The following GPI variants were observed in gnomAD, a reference collection of about 807,000 sequenced individuals.
GPI encodes the protein D-hexose-6-phosphate anomerase.
In GPI, 56 loss-of-function variants were observed where a neutral mutation model predicts 75.8. The ratio of observed to expected loss-of-function variants is 0.74; its 90% CI spans 0.60 to 0.92. The LOEUF (loss-of-function observed/expected upper bound fraction) is 0.92. Ranked by LOEUF, GPI falls within the 40% of genes least tolerant of loss-of-function variation. The pLI, the probability that GPI is intolerant of heterozygous loss-of-function variation, is 0.00. For missense variants in GPI, 638 were observed against 741.0 expected (o/e 0.86, Z 1.61); for synonymous variants, 288 against 285.4 (o/e 1.01, Z -0.09).
upstream of GPI, among the ~76,000 whole-genome samples, chr19:34,360,439 T>C (rs138071218): frequency 1.5e-3 from 235 of 152,034 alleles, 5 homozygotes; most frequent in East Asian, 0.042. Context: ...CAAATAATAA[T>C]AATAAGAAAA....
upstream of GPI, chr19:34,364,830 A>C: frequency 1.6e-6 from 1 of 637,214 alleles, no homozygotes; most frequent in South Asian, 2.5e-5. Context: ...ACTGCCTGTA[A>C]CGTGGAAGGT....
chr19:34,396,675 G>C lies in GPI; in HGVS notation c.1269+18G>C, dbSNP rs2074950689. 1 of 1,609,004 alleles carries C rather than the reference G, an allele frequency of 6.2e-7. No homozygotes were observed. Among genetic ancestry groups the C allele is most frequent in the South Asian group, 1.1e-5 (1 of 90,828 alleles). ...ATCACAAGGTAAGAGCCCCCATCTG[G>C]CCCCATCTGGGGGGTCTGGCTCACA... On this transcript the variant is annotated intron_variant, in intron 14 of 17. Transcript: ENST00000356487.
At chr19:34,394,200 C>T (rs1366775117) in intron 12 of GPI, 134 bp downstream of exon 12, 3 of 654,690 alleles carry the variant, frequency 4.6e-6, no homozygotes, top group Admixed American at 2.4e-5. Flanking sequence ...TCCATCTGTG[C>T]TCCTTGTCTC....
upstream of GPI, among the ~76,000 whole-genome samples, chr19:34,361,151 GCA>G (rs2074299193): frequency 3.3e-5 from 5 of 151,706 alleles, no homozygotes; most frequent in African/African-American, 1.2e-4. Context: ...GAGTGCAGTG[GCA>G]TGATTCAGCT....
At chr19:34,376,533 C>T (rs975679395) in intron 4 of GPI, among the ~76,000 whole-genome samples, 11 of 148,618 alleles carry the variant, frequency 7.4e-5, no homozygotes, top group Admixed American at 3.4e-4. Context: ...CGTTGTACTC[C>T]AGCCTGGGCG....
At chr19:34,365,481 G>A in intron 1 of GPI, 93 bp downstream of exon 1, 4 of 1,505,254 alleles carry the variant, frequency 2.7e-6, no homozygotes, top group African/African-American at 1.4e-5. Flanking sequence ...GCGGTGCCCG[G>A]GGACCCCAGT....
intron 4 of GPI, among the ~76,000 whole-genome samples, chr19:34,372,663 C>T (rs2074473278): frequency 6.6e-6 from 1 of 152,132 alleles, no homozygotes; most frequent in Non-Finnish European, 1.5e-5. Flanking sequence ...TAAAAAATAC[C>T]CAGCAAGGTG....
At position 34,366,356 on chromosome 19, in the gene GPI, A is replaced by G. The variant is rs2074365214; in HGVS notation, c.134A>G (p.Asn45Ser). ...DRFNHFSLTL[N>S]TNHGHILVDY... The stretch of plus-strand genomic sequence containing the variant: ...CCATCTTTCTGCAGCTTGACCCTCA[A>G]CACCAACCATGGGCATATCCTGGTG... The change falls in exon 2 of 18, where the codon AAC becomes AGC. Residue 45 changes from asparagine to serine, a missense_variant. Asn to Ser is a conservative substitution (Grantham distance 46, BLOSUM62 1). Coordinates refer to ENST00000356487, the MANE Select transcript of GPI (RefSeq NM_000175.5). 1 of 1,611,056 alleles carries G rather than the reference A, an allele frequency of 6.2e-7. No individual in the cohort carries two copies. Among genetic ancestry groups the G allele is most frequent in the African/African-American group, 1.3e-5 (1 of 74,828 alleles).
chr19:34,368,433 G>A, intron 3 of GPI, 150 bp from the exon 4 acceptor site: 1 of 788,282 alleles, frequency 1.3e-6, no homozygotes, highest in Non-Finnish European at 2.1e-6. Context: ...CATACAGTGG[G>A]TTCTTGGAAC....
At chr19:34,381,174 A>G (rs2074645065) in intron 8 of GPI, 1 of 499,234 alleles carries the variant, frequency 2.0e-6, no homozygotes, top group Non-Finnish European at 3.7e-6. Context: ...GTTGCAGAGC[A>G]GTGTGTGGGC....
chr19:34,365,131 G>T, upstream of GPI: 1 of 1,257,888 alleles, frequency 7.9e-7, no homozygotes, highest in Non-Finnish European at 1.0e-6. Context: ...GGGCTCAGGG[G>T]TGGGGCCGGG....
chr19:34,388,263 G>T (rs2074767823), intron 9 of GPI, among the ~76,000 whole-genome samples: 2 of 152,206 alleles, frequency 1.3e-5, no homozygotes, highest in South Asian at 4.1e-4. Context: ...GATCACTTGA[G>T]GTCAGGAGTT....
intron 4 of GPI, among the ~76,000 whole-genome samples, chr19:34,374,414 A>G (rs1009572788): frequency 6.6e-6 from 1 of 152,174 alleles, no homozygotes; most frequent in Non-Finnish European, 1.5e-5. Context: ...GTGGGGGACT[A>G]TCATAGTCCC....
Position 34,399,717 on chromosome 19 carries a change from A to G in GPI, c.1475-2A>G, listed in dbSNP as rs775148183. 6.2e-7 allele frequency: 1 copy of G among 1,613,966 alleles called. No individual in the cohort carries two copies. The highest frequency in any genetic ancestry group is 8.5e-7 in the Non-Finnish European group (1 of 1,180,018). On this transcript the variant is annotated splice_acceptor_variant, in intron 16 of 17. Transcript: ENST00000356487. LOFTEE classifies it high-confidence loss of function. ...GATGTGCCCTGTCTGTCACTTCTGCAGCCATGTATGAGCACAAGATCTTCG... is the reference window on the plus strand; with the variant it reads ...GATGTGCCCTGTCTGTCACTTCTGCGGCCATGTATGAGCACAAGATCTTCG...
intron 4 of GPI, among the ~76,000 whole-genome samples, chr19:34,370,015 G>A (rs1275934273): frequency 6.6e-6 from 1 of 152,246 alleles, no homozygotes; most frequent in Non-Finnish European, 1.5e-5. Context: ...TTTGAAACAC[G>A]TACACATGTG....
At chr19:34,399,106 C>A in intron 14 of GPI, 101 bp from the exon 15 acceptor site, 1 of 1,157,316 alleles carries the variant, frequency 8.6e-7, no homozygotes. Context: ...GCGAGTGACC[C>A]AGGCTGGGAC....
upstream of GPI, among the ~76,000 whole-genome samples, chr19:34,362,241 T>C (rs2074305401): frequency 6.6e-6 from 1 of 151,536 alleles, no homozygotes; most frequent in Non-Finnish European, 1.5e-5. Context: ...GAAGCAGAGG[T>C]TGCAGTGAGC....
chr19:34,374,130 CTTTT>C (rs749828679), intron 4 of GPI, among the ~76,000 whole-genome samples: 3 of 114,108 alleles, frequency 2.6e-5, no homozygotes, highest in East Asian at 3.0e-4. Flanking sequence ...CCATGCCCGC[CTTTT>C]TTTTTTTTTT....
Position 34,399,898 on chromosome 19 carries a change from C to T in GPI, c.1542-3C>T, listed in dbSNP as rs952161116. 1 of 1,614,042 alleles carries T rather than the reference C, an allele frequency of 6.2e-7. No homozygotes were observed. On this transcript the variant is annotated splice_polypyrimidine_tract_variant and splice_region_variant and intron_variant, in intron 17 of 17. Transcript: ENST00000356487. ...CTCTTCCCTTCCCTTCCCTTCTTGG[C>T]AGAGTGGAGCTGGGAAAGCAGCTGG...
Sources: allele counts gnomAD v4.1 joint callset (sites outside exome capture counted in the v4.1 genomes callset), GRCh38; gene constraint gnomAD v4.1.1; transcripts MANE v1.5; gene names NCBI Gene and HGNC (gene_info 2026-07-23, HGNC 2026-07-21).